The following TRHDE variants were observed in gnomAD, a reference collection of about 807,000 sequenced individuals.
TRHDE encodes thyrotropin releasing hormone degrading enzyme, also known as thyrotropin-releasing hormone-degrading ectoenzyme.
TRHDE carries 72 observed loss-of-function variants against 125.7 expected under a neutral mutation model. The ratio of observed to expected loss-of-function variants is 0.57; its 90% CI spans 0.47 to 0.70. The LOEUF (loss-of-function observed/expected upper bound fraction) is 0.70. Among genes scored for constraint, TRHDE ranks in the 30% least tolerant of loss-of-function variants. TRHDE has a pLI of 0.00. For synonymous variants in TRHDE, 509 were observed against 509.1 expected (o/e 1.00, Z 0.00); for missense variants, 1,110 against 1,327.1 (o/e 0.84, Z 2.54).
rs540654771 is a variant in TRHDE, at chr12:72,582,203, C to G, written c.2321+6661C>G. The G allele has an allele frequency of 7.3e-6, 7 of 959,248 alleles. No homozygotes were observed. The East Asian group carries it at 8.2e-4, about 112-fold the overall frequency. The allele number at this position is 959,248 out of a possible 1,614,324, so 59.4% of individuals were successfully genotyped here. On this transcript the variant is annotated intron_variant, in intron 12 of 18. Transcript: ENST00000261180. ...TGAATATATAAGTTAAAAAATAATA[C>G]GCTTTTATTTACTTGTCTAACAGCT...
chr12:72,602,771 A>G (rs920574854), intron 12 of TRHDE, among the ~76,000 whole-genome samples: 1 of 152,226 alleles, frequency 6.6e-6, no homozygotes, highest in Admixed American at 6.5e-5. Context: ...GCCCCTAAAC[A>G]TATGGAACCA....
chr12:72,328,950 A>T (rs1869461063), intron 2 of TRHDE, among the ~76,000 whole-genome samples: 2 of 152,152 alleles, frequency 1.3e-5, no homozygotes, highest in Non-Finnish European at 2.9e-5. Context: ...ATTATAAGTT[A>T]TATTTTTTAT....
At chr12:72,519,991 T>G (rs1326598895) in intron 6 of TRHDE, among the ~76,000 whole-genome samples, 1 of 152,216 alleles carries the variant, frequency 6.6e-6, no homozygotes, top group Non-Finnish European at 1.5e-5. Flanking sequence ...GGAGGCAGTC[T>G]GCCCGTTCTC....
chr12:72,527,864 A>C lies in TRHDE; in HGVS notation c.1723-14427A>C, dbSNP rs142578799. On this transcript the variant is annotated intron_variant, in intron 6 of 18. Transcript: ENST00000261180. The stretch of plus-strand genomic sequence containing the variant: ...ATGTGCTTTAAACTACTTTATGAAT[A>C]ACTTTCAAATATTCAAGTATTTGGC... Among the ~76,000 whole-genome samples the C allele has an allele frequency of 4.8e-3, 725 of 152,322 alleles. 4 individuals carry two copies. The highest frequency in any genetic ancestry group is 8.2e-3 in the Non-Finnish European group (558 of 68,020).
chr12:72,227,993 C>T (rs1487310766), intron 2 of TRHDE, among the ~76,000 whole-genome samples: 1 of 152,208 alleles, frequency 6.6e-6, no homozygotes, highest in East Asian at 1.9e-4. Context: ...CCCCTCCTGG[C>T]TGCTTTCATG....
At chr12:72,362,756 A>G (rs370645194) in intron 2 of TRHDE, among the ~76,000 whole-genome samples, 5 of 151,982 alleles carry the variant, frequency 3.3e-5, no homozygotes, top group South Asian at 4.2e-4. Context: ...TGTAAGGAAG[A>G]GATCCAGTTT....
chr12:72,371,276 C>T (rs1871571472), intron 2 of TRHDE, among the ~76,000 whole-genome samples: 3 of 150,810 alleles, frequency 2.0e-5, no homozygotes, highest in Non-Finnish European at 2.9e-5. Context: ...CCTATACATA[C>T]CTATGAAACT....
intron 3 of TRHDE, among the ~76,000 whole-genome samples, chr12:72,468,972 A>G (rs1279590548): frequency 6.6e-6 from 1 of 152,218 alleles, no homozygotes; most frequent in African/African-American, 2.4e-5. Context: ...TTGTGTCACC[A>G]TAACCAGAAG....
At chr12:72,166,771 T>G (rs552454532) in intron 2 of TRHDE, among the ~76,000 whole-genome samples, 1 of 152,304 alleles carries the variant, frequency 6.6e-6, no homozygotes, top group Non-Finnish European at 1.5e-5. Context: ...GTAGACTGGC[T>G]GCTGAAGCAT....
At position 72,652,400 on chromosome 12, in the gene TRHDE, G is replaced by C; in HGVS notation, c.2754G>C (p.Trp918Cys). 1 of 1,606,294 alleles carries C rather than the reference G, an allele frequency of 6.2e-7. No homozygotes were observed. Among genetic ancestry groups the C allele is most frequent in the Non-Finnish European group, 8.5e-7 (1 of 1,175,276 alleles). ...ATGAGGATGTCTGGGAATTCATATG[G>C]ATGAAATTCCATTCCACCACAGCAG... ...LLDEDVWEFI[W>C]MKFHSTTAVS... The change falls in exon 16 of 19, where the codon TGG becomes TGC. Residue 918 changes from tryptophan to cysteine, a missense_variant. By Grantham distance (215) the Trp-to-Cys change is radical (BLOSUM62 -2). This residue lies in a region of TRHDE where 527 missense variants were observed against 651.8 expected (regional missense o/e 0.81). Coordinates refer to ENST00000261180, the MANE Select transcript of TRHDE (RefSeq NM_013381.3).
intron 5 of TRHDE, among the ~76,000 whole-genome samples, chr12:72,481,333 A>G (rs1361991314): frequency 6.6e-6 from 1 of 151,488 alleles, no homozygotes; most frequent in Non-Finnish European, 1.5e-5. Context: ...AAAAAAAAAA[A>G]AAACCAGAAA....
chr12:72,644,014 A>G (rs751304581), intron 15 of TRHDE, among the ~76,000 whole-genome samples: 1 of 152,182 alleles, frequency 6.6e-6, no homozygotes, highest in African/African-American at 2.4e-5. Context: ...AGGGTATACA[A>G]TGTTTGGTGT....
chr12:72,468,538 C>G (rs1001312997), intron 3 of TRHDE, among the ~76,000 whole-genome samples: 1 of 152,216 alleles, frequency 6.6e-6, no homozygotes, highest in Non-Finnish European at 1.5e-5. Flanking sequence ...ACTGTAAACA[C>G]TATGCTTGGC....
At chr12:72,461,862 A>T (rs1876141371) in intron 3 of TRHDE, among the ~76,000 whole-genome samples, 1 of 152,168 alleles carries the variant, frequency 6.6e-6, no homozygotes, top group Non-Finnish European at 1.5e-5. Context: ...CAATTCCCCA[A>T]GGTGGGGAAG....
Position 72,286,935 on chromosome 12 carries a change from C to T in TRHDE, c.1169C>T (p.Thr390Ile). Residue 390 changes from threonine to isoleucine, a missense_variant, in exon 2 of 19, where the codon ACC becomes ATC. Thr to Ile is a moderately conservative substitution (Grantham distance 89). This residue lies in a region of TRHDE where 252 missense variants were observed against 274.8 expected (regional missense o/e 0.92). Transcript: ENST00000261180. ...AICNFTYRETTTKSGVVVRLY... is the reference protein window; with the variant it reads ...AICNFTYRETITKSGVVVRLY... ...TGCAACTTCACATACAGAGAAACTACCACCAAGAGTGGGGTTGTAGTAAGT... is the reference window on the plus strand; with the variant it reads ...TGCAACTTCACATACAGAGAAACTATCACCAAGAGTGGGGTTGTAGTAAGT... 6.2e-7 allele frequency: 1 copy of T among 1,613,838 alleles called. No individual in the cohort carries two copies. Among genetic ancestry groups the T allele is most frequent in the Non-Finnish European group, 8.5e-7 (1 of 1,179,932 alleles).
At chr12:72,585,488 A>G (rs1871402403) in intron 12 of TRHDE, among the ~76,000 whole-genome samples, 1 of 152,214 alleles carries the variant, frequency 6.6e-6, no homozygotes, top group Non-Finnish European at 1.5e-5. Context: ...CTTACAATCC[A>G]CCATATTCAT....
intron 2 of TRHDE, among the ~76,000 whole-genome samples, chr12:72,318,886 G>T (rs1034319056): frequency 3.3e-5 from 5 of 152,150 alleles, no homozygotes; most frequent in Middle Eastern, 6.8e-3. Context: ...CTGGGGGAGG[G>T]TACCCATGAG....
At chr12:72,502,332 C>A (rs1369165797) in intron 6 of TRHDE, among the ~76,000 whole-genome samples, 1 of 151,928 alleles carries the variant, frequency 6.6e-6, no homozygotes, top group Non-Finnish European at 1.5e-5. Context: ...GGAAATCTCC[C>A]AAATTTTGAT....
intron 2 of TRHDE, among the ~76,000 whole-genome samples, chr12:72,236,193 T>C (rs773196566): frequency 6.6e-6 from 1 of 152,196 alleles, no homozygotes; most frequent in African/African-American, 2.4e-5. Context: ...AAAAAACAGA[T>C]GGAAGATGAA....
Sources: gnomAD v4.1 joint callset for allele counts (sites outside exome capture counted in the v4.1 genomes callset) on GRCh38, gnomAD v4.1.1 for gene constraint, gnomAD v4.1.1 regional missense constraint, MANE v1.5 for transcripts, NCBI Gene and HGNC (gene_info 2026-07-23, HGNC 2026-07-21) for gene names.